DTNB: variants seen among roughly 807,000 people sequenced by gnomAD.
DTNB encodes dystrobrevin beta.
In DTNB, 63 loss-of-function variants were observed where a neutral mutation model predicts 90.7. That is an observed-to-expected ratio of 0.69 (90% CI 0.57 to 0.86). DTNB has a LOEUF of 0.86. DTNB is among the 40% of genes least tolerant of loss of function. The pLI is 0.00. For synonymous variants in DTNB, 277 were observed against 286.7 expected (o/e 0.97, Z 0.34); for missense variants, 744 against 807.1 (o/e 0.92, Z 0.95).
chr2:25,591,066 C>G (rs1018012180), intron 6 of DTNB, among the ~76,000 whole-genome samples: 13 of 152,254 alleles, frequency 8.5e-5, no homozygotes, highest in Admixed American at 2.6e-4. Flanking sequence ...CCTGGCCAGG[C>G]TGCAACAGTG....
intron 15 of DTNB, among the ~76,000 whole-genome samples, chr2:25,425,230 A>C (rs2051139732): frequency 6.6e-6 from 1 of 152,228 alleles, no homozygotes; most frequent in African/African-American, 2.4e-5. Flanking sequence ...GTTAATGTAG[A>C]AACATATCTA....
chr2:25,467,139 T>A (rs2150260231), intron 10 of DTNB, among the ~76,000 whole-genome samples: 1 of 152,288 alleles, frequency 6.6e-6, no homozygotes, highest in South Asian at 2.1e-4. Flanking sequence ...AATCAAGCCC[T>A]TGGGCAAGTT....
intron 14 of DTNB, among the ~76,000 whole-genome samples, chr2:25,432,495 TA>T (rs2054240853): frequency 6.6e-6 from 1 of 152,164 alleles, no homozygotes; most frequent in South Asian, 2.1e-4. Context: ...GCATTGACTG[TA>T]AAGTGCCAGG....
intron 9 of DTNB, among the ~76,000 whole-genome samples, chr2:25,503,465 C>G (rs1412747843): frequency 6.6e-6 from 1 of 152,002 alleles, no homozygotes; most frequent in Non-Finnish European, 1.5e-5. Flanking sequence ...TGCACTCCAG[C>G]CAAAGTGACA....
intron 16 of DTNB, among the ~76,000 whole-genome samples, chr2:25,404,021 A>G (rs899832448): frequency 1.6e-4 from 24 of 152,172 alleles, no homozygotes; most frequent in African/African-American, 5.6e-4. Context: ...AAGGTTCTTC[A>G]TATGTACAGT....
chr2:25,630,820 G>C (rs1309088953), intron 3 of DTNB, among the ~76,000 whole-genome samples: 1 of 135,392 alleles, frequency 7.4e-6, no homozygotes, highest in Non-Finnish European at 1.5e-5. Flanking sequence ...CTCCAGCCTG[G>C]GCAACAAGAG....
At chr2:25,427,386 A>T in intron 15 of DTNB, 149 bp downstream of exon 15, 2 of 630,162 alleles carry the variant, frequency 3.2e-6, no homozygotes, top group Non-Finnish European at 5.2e-6. Context: ...TGACTTTTAT[A>T]CCCAATTAGG....
chr2:25,485,967 T>C lies in DTNB; in HGVS notation c.1002-3094A>G, dbSNP rs192778513. ...TGAAACCCCATCTCTACTAAAAATA[T>C]AAAAATTAGCTGGGTGTGGTGGCGG... On this transcript the variant is annotated intron_variant, in intron 9 of 20. Coordinates refer to ENST00000406818, the MANE Select transcript of DTNB (RefSeq NM_021907.5). Among the ~76,000 whole-genome samples, 440 of 151,154 alleles carry C rather than the reference T, an allele frequency of 2.9e-3. 2 individuals carry two copies. Among genetic ancestry groups the C allele is most frequent in the African/African-American group, 0.01 (420 of 41,190 alleles).
At chr2:25,585,407 A>G (rs1046598253) in intron 6 of DTNB, among the ~76,000 whole-genome samples, 2 of 152,136 alleles carry the variant, frequency 1.3e-5, no homozygotes, top group Non-Finnish European at 1.5e-5. Flanking sequence ...CACTGTATGC[A>G]GTCTCATATT....
intron 4 of DTNB, among the ~76,000 whole-genome samples, chr2:25,623,078 G>C (rs2073176600): frequency 6.6e-6 from 1 of 152,080 alleles, no homozygotes; most frequent in Non-Finnish European, 1.5e-5. Context: ...GAAAGAAGTA[G>C]AAATGCCAAC....
chr2:25,378,388 C>T (rs1451599242), intron 20 of DTNB, among the ~76,000 whole-genome samples: 3 of 152,146 alleles, frequency 2.0e-5, no homozygotes, highest in Admixed American at 2.0e-4. Flanking sequence ...CAGGCCGAGG[C>T]TGCAGGGGCC....
intron 16 of DTNB, among the ~76,000 whole-genome samples, chr2:25,400,861 T>A (rs2043536624): frequency 6.6e-6 from 1 of 152,148 alleles, no homozygotes; most frequent in South Asian, 2.1e-4. Context: ...AACAATTCTG[T>A]TGCAAATGTA....
At chr2:25,531,450 T>G in intron 9 of DTNB, 23 bp downstream of exon 9, 1 of 1,601,510 alleles carries the variant, frequency 6.2e-7, no homozygotes, top group East Asian at 2.2e-5. Flanking sequence ...GTGATCCACA[T>G]GCACATCCAG....
chr2:25,568,696 T>C (rs1465271959), intron 8 of DTNB, among the ~76,000 whole-genome samples: 2 of 152,244 alleles, frequency 1.3e-5, no homozygotes, highest in Admixed American at 6.5e-5. Context: ...CTTTATCCCA[T>C]GTGGGACAGA....
intron 8 of DTNB, among the ~76,000 whole-genome samples, chr2:25,539,785 T>C (rs1290150220): frequency 1.3e-5 from 2 of 152,052 alleles, no homozygotes; most frequent in Non-Finnish European, 1.5e-5. Flanking sequence ...TTAAGAAATA[T>C]TTCCCTTCCT....
intron 3 of DTNB, 121 bp downstream of exon 3, chr2:25,638,893 A>C: frequency 9.9e-7 from 1 of 1,005,438 alleles, no homozygotes; most frequent in Non-Finnish European, 1.4e-6. Context: ...CTTACATACT[A>C]ATAAATACTT....
chr2:25,534,666 C>T (rs1180856147), intron 8 of DTNB, among the ~76,000 whole-genome samples: 7 of 138,412 alleles, frequency 5.1e-5, no homozygotes, highest in East Asian at 2.2e-4. Flanking sequence ...GACGGGGTGG[C>T]GGCCGGACAG....
chr2:25,432,206 T>C (rs2054084182), intron 14 of DTNB, among the ~76,000 whole-genome samples: 2 of 146,320 alleles, frequency 1.4e-5, no homozygotes, highest in Admixed American at 6.8e-5. Flanking sequence ...GAAGAGTGCG[T>C]ACACACACAC....
chr2:25,400,318 A>G (rs1342171791), intron 16 of DTNB, among the ~76,000 whole-genome samples: 1 of 152,184 alleles, frequency 6.6e-6, no homozygotes, highest in East Asian at 1.9e-4. Context: ...AAAAATCAAG[A>G]TGGAGCACCG....
Sources: allele counts gnomAD v4.1 joint callset (sites outside exome capture counted in the v4.1 genomes callset), GRCh38; gene constraint gnomAD v4.1.1; transcripts MANE v1.5; gene names NCBI Gene and HGNC (gene_info 2026-07-23, HGNC 2026-07-21).